DNAJC3: variants seen among roughly 807,000 people sequenced by gnomAD.
The protein encoded by DNAJC3 is dnaJ homolog subfamily C member 3.
A neutral mutation model predicts 68.6 loss-of-function variants in DNAJC3; 38 were observed. The ratio of observed to expected loss-of-function variants is 0.55; its 90% confidence interval spans 0.43 to 0.73. DNAJC3 has a LOEUF of 0.73. DNAJC3 is among the 30% of genes least tolerant of loss of function. The pLI, the probability that DNAJC3 is intolerant of heterozygous loss-of-function variation, is 0.00. For synonymous variants in DNAJC3, 203 were observed against 204.0 expected (o/e 1.00, Z 0.04); for missense variants, 526 against 591.9 (o/e 0.89, Z 1.16).
intron 9 of DNAJC3, among the ~76,000 whole-genome samples, chr13:95,774,225 T>G (rs1051648734): frequency 2.0e-5 from 3 of 152,232 alleles, no homozygotes; most frequent in Admixed American, 6.5e-5. Context: ...GTTGCACCTT[T>G]CACATTTTGT....
intron 11 of DNAJC3, among the ~76,000 whole-genome samples, chr13:95,787,371 C>T (rs1883633589): frequency 6.6e-6 from 1 of 152,178 alleles, no homozygotes; most frequent in Non-Finnish European, 1.5e-5. Context: ...AATGTGGAAT[C>T]AGAGGGCCTG....
intron 4 of DNAJC3, chr13:95,745,208 A>G (rs1400921802): frequency 1.3e-5 from 2 of 152,276 alleles, no homozygotes; most frequent in East Asian, 3.8e-4. Flanking sequence ...TGATAACTAC[A>G]TAAAATTTTT....
intron 2 of DNAJC3, among the ~76,000 whole-genome samples, chr13:95,712,117 A>G (rs1880990452): frequency 6.6e-6 from 1 of 152,228 alleles, no homozygotes; most frequent in Non-Finnish European, 1.5e-5. Flanking sequence ...CAGGAGAAAA[A>G]TATTATTTCA....
chr13:95,760,002 T>C, intron 5 of DNAJC3, 38 bp from the exon 6 acceptor site: 1 of 1,513,124 alleles, frequency 6.6e-7, no homozygotes, highest in Non-Finnish European at 8.9e-7. Flanking sequence ...TGTGCATAAT[T>C]TATTCTTTCT....
intron 1 of DNAJC3, among the ~76,000 whole-genome samples, chr13:95,703,023 A>T (rs1405218219): frequency 6.6e-6 from 1 of 152,244 alleles, no homozygotes; most frequent in Admixed American, 6.5e-5. Context: ...TGGTTAGTAC[A>T]GTCAATTCTT....
At chr13:95,789,170 T>C (rs1261426783) in intron 11 of DNAJC3, among the ~76,000 whole-genome samples, 1 of 152,218 alleles carries the variant, frequency 6.6e-6, no homozygotes, top group Non-Finnish European at 1.5e-5. Context: ...ATTTTTTTTT[T>C]GTAAGTTCAG....
At chr13:95,710,953 G>A (rs755698340) in intron 2 of DNAJC3, among the ~76,000 whole-genome samples, 1 of 152,048 alleles carries the variant, frequency 6.6e-6, no homozygotes, top group African/African-American at 2.4e-5. Flanking sequence ...GCCTCCCAAA[G>A]TGCTGGGATT....
chr13:95,709,365 G>A lies in DNAJC3; in HGVS notation c.193+28G>A, dbSNP rs180758954. On this transcript the variant is annotated intron_variant, in intron 2 of 11. Transcript: ENST00000602402. The stretch of plus-strand genomic sequence containing the variant: ...TTGTATCATGGAACCAAATCACTCA[G>A]TGTCTGTCTTAGTGAATTCTAGTAA... 3.9e-6 allele frequency: 6 copies of A among 1,532,404 alleles called. No homozygotes were observed. In the East Asian group the frequency reaches 1.4e-4, roughly 36 times the overall value. 94.9% of individuals were successfully genotyped at this position (1,532,404 alleles called of 1,614,324 possible). A position where few individuals can be genotyped will look rare whatever the true frequency, so the allele number is the denominator to read the frequency against.
At chr13:95,680,711 A>G (rs1255072102) in intron 1 of DNAJC3, among the ~76,000 whole-genome samples, 1 of 152,046 alleles carries the variant, frequency 6.6e-6, no homozygotes, top group Non-Finnish European at 1.5e-5. Context: ...CTGGGAGGGG[A>G]TGCACTGTAG....
chr13:95,698,961 A>G (rs992548589), intron 1 of DNAJC3, among the ~76,000 whole-genome samples: 8 of 152,174 alleles, frequency 5.3e-5, no homozygotes, highest in Non-Finnish European at 1.2e-4. Flanking sequence ...ATGATGTGAA[A>G]ACTCTGCAGA....
chr13:95,773,152 GTT>G (rs1191609072), intron 9 of DNAJC3, among the ~76,000 whole-genome samples: 2 of 97,818 alleles, frequency 2.0e-5, no homozygotes, highest in African/African-American at 7.8e-5. Flanking sequence ...GACAAATTTA[GTT>G]TTTTTTTTTT....
intron 9 of DNAJC3, among the ~76,000 whole-genome samples, chr13:95,767,984 C>G (rs927796633): frequency 6.6e-6 from 1 of 152,006 alleles, no homozygotes. Context: ...GGATTACAGG[C>G]GTGAGCTACA....
intron 4 of DNAJC3, among the ~76,000 whole-genome samples, chr13:95,734,832 ATTATAC>A (rs1400213706): frequency 4.5e-5 from 6 of 132,826 alleles, no homozygotes; most frequent in South Asian, 4.6e-4. Context: ...TTTTTTTTTA[ATTATAC>A]TTTAAGTTTT....
chr13:95,791,234 T>C lies in DNAJC3; in HGVS notation c.*204T>C, dbSNP rs949487585. 4.9e-6 allele frequency: 3 copies of C among 606,676 alleles called. No individual in the cohort carries two copies. Among genetic ancestry groups the C allele is most frequent in the Admixed American group, 3.1e-5 (1 of 32,504 alleles). 37.6% of individuals were successfully genotyped at this position (606,676 alleles called of 1,614,324 possible). ...ACGGCAAGGAGGCAAGGAATGGTTCTATTTCTGACAGAGCAGCCTGCATCT... is the reference window on the plus strand; with the variant it reads ...ACGGCAAGGAGGCAAGGAATGGTTCCATTTCTGACAGAGCAGCCTGCATCT... On this transcript the variant is annotated 3_prime_UTR_variant, in exon 12 of 12. Transcript: ENST00000602402.
At chr13:95,770,847 T>C (rs1195629875) in intron 9 of DNAJC3, among the ~76,000 whole-genome samples, 3 of 152,228 alleles carry the variant, frequency 2.0e-5, no homozygotes, top group Admixed American at 2.0e-4. Context: ...TTTCCCTTTG[T>C]TGTCTTAAGG....
chr13:95,696,695 A>G (rs1363349636), intron 1 of DNAJC3, among the ~76,000 whole-genome samples: 1 of 151,324 alleles, frequency 6.6e-6, no homozygotes, highest in Non-Finnish European at 1.5e-5. Flanking sequence ...TTGAGTCTAT[A>G]GGTGTCTTTA....
intron 4 of DNAJC3, among the ~76,000 whole-genome samples, chr13:95,738,500 G>A (rs1454981108): frequency 6.6e-6 from 1 of 152,064 alleles, no homozygotes; most frequent in East Asian, 1.9e-4. Flanking sequence ...TATGAATCTA[G>A]TTGCTCCTGT....
intron 4 of DNAJC3, among the ~76,000 whole-genome samples, chr13:95,725,530 TG>T (rs1881479332): frequency 6.6e-6 from 1 of 152,226 alleles, no homozygotes; most frequent in African/African-American, 2.4e-5. Context: ...TGTTCTGCTT[TG>T]TCCACCATGA....
chr13:95,691,976 G>T (rs1488213134), intron 1 of DNAJC3, among the ~76,000 whole-genome samples: 1 of 152,186 alleles, frequency 6.6e-6, no homozygotes, highest in East Asian at 1.9e-4. Flanking sequence ...AATCAGGCAG[G>T]GAGGTTGCAG....
Sources: gnomAD v4.1 joint callset for allele counts (sites outside exome capture counted in the v4.1 genomes callset) on GRCh38, gnomAD v4.1.1 for gene constraint, MANE v1.5 for transcripts, NCBI Gene and HGNC (gene_info 2026-07-23, HGNC 2026-07-21) for gene names.